The following ANK3 variants were observed in gnomAD, a reference collection of about 807,000 sequenced individuals.
ANK3 encodes ankyrin-3.
In ANK3, 57 loss-of-function variants were observed where a neutral mutation model predicts 370.9. That is an observed-to-expected ratio of 0.15 (90% CI 0.12 to 0.19). ANK3 has a LOEUF of 0.19. Ranked by LOEUF, ANK3 falls within the 10% of genes least tolerant of loss-of-function variation. ANK3 has a pLI of 1.00. For missense variants in ANK3, 4,439 were observed against 5,302.1 expected (o/e 0.84, Z 5.06); for synonymous variants, 1,929 against 1,946.3 (o/e 0.99, Z 0.23).
chr10:60,331,342 A>C (rs2051241657), intron 1 of ANK3, among the ~76,000 whole-genome samples: 1 of 152,202 alleles, frequency 6.6e-6, no homozygotes, highest in African/African-American at 2.4e-5. Flanking sequence ...TAAAATAAAC[A>C]AGATCTGGAA....
At position 60,069,031 on chromosome 10, in the gene ANK3, C is replaced by A; in HGVS notation, c.11850G>T (p.Leu3950Phe). 1 of 1,613,988 alleles carries A rather than the reference C, an allele frequency of 6.2e-7. No individual in the cohort carries two copies. The highest frequency in any genetic ancestry group is 8.5e-7 in the Non-Finnish European group (1 of 1,179,940). ...CACAGGTGGATCTTACCTTTACTGG[C>A]AACTTGGATGGAAGCTGTTTGGCCT... ...KGKAKQLPSK[L>F]PVKVRSTCVT... The change falls in exon 37 of 44, where the codon TTG becomes TTT. Residue 3950 changes from leucine (L) to phenylalanine (F), a missense_variant. Physicochemically the swap from Leu to Phe is conservative, Grantham distance 22. Transcript: ENST00000280772.
At chr10:60,596,593 T>C (rs1217355693) in intron 2 of ANK3, among the ~76,000 whole-genome samples, 1 of 152,192 alleles carries the variant, frequency 6.6e-6, no homozygotes, top group Admixed American at 6.5e-5. Context: ...ATTTGTCCAC[T>C]GGATACTTTA....
intron 1 of ANK3, among the ~76,000 whole-genome samples, chr10:60,694,919 G>A (rs1469085407): frequency 1.3e-5 from 2 of 148,400 alleles, no homozygotes; most frequent in East Asian, 2.0e-4. Context: ...AATGTAAATG[G>A]ACTAAATGCT....
chr10:60,324,650 A>G (rs2049394211), intron 1 of ANK3, among the ~76,000 whole-genome samples: 1 of 152,098 alleles, frequency 6.6e-6, no homozygotes, highest in African/African-American at 2.4e-5. Flanking sequence ...GAGACCCGTA[A>G]GTCTCCTAAT....
At chr10:60,114,770 T>C (rs1590199119) in intron 25 of ANK3, among the ~76,000 whole-genome samples, 1 of 152,188 alleles carries the variant, frequency 6.6e-6, no homozygotes, top group East Asian at 1.9e-4. Context: ...TTCTTCCAAG[T>C]AAGCCAGATA....
chr10:60,383,802 C>T (rs183452913), intron 1 of ANK3, among the ~76,000 whole-genome samples: 1 of 152,264 alleles, frequency 6.6e-6, no homozygotes, highest in Admixed American at 6.5e-5. Context: ...CTTACTCTTG[C>T]CTGGCATCTT....
chr10:60,094,458 G>A (rs2089613247), intron 28 of ANK3, among the ~76,000 whole-genome samples: 1 of 152,012 alleles, frequency 6.6e-6, no homozygotes, highest in Admixed American at 6.6e-5. Flanking sequence ...AAAGTTCTGG[G>A]ATTACAGGCA....
intron 1 of ANK3, among the ~76,000 whole-genome samples, chr10:60,710,833 G>C (rs2079694306): frequency 6.6e-6 from 1 of 152,182 alleles, no homozygotes; most frequent in East Asian, 1.9e-4. Flanking sequence ...CAAGTTTAAG[G>C]CCTGAAAACC....
intron 30 of ANK3, chr10:60,086,454 T>C: frequency 2.3e-6 from 1 of 430,076 alleles, no homozygotes; most frequent in Non-Finnish European, 4.1e-6. Context: ...ATCACTAAAT[T>C]TTAAATGAGT....
chr10:60,687,202 A>T (rs1335001402), intron 1 of ANK3, among the ~76,000 whole-genome samples: 1 of 152,214 alleles, frequency 6.6e-6, no homozygotes, highest in Admixed American at 6.5e-5. Context: ...GCAACACACA[A>T]CTGTATATAT....
Position 60,449,110 on chromosome 10 carries a change from G to A in ANK3, c.96+166076C>T, listed in dbSNP as rs551720701. ...GCTAAAATAAGCATGGGTCTCTCTGGACATATAAATGCTAGTATAGTAACA... is the reference window on the plus strand; with the variant it reads ...GCTAAAATAAGCATGGGTCTCTCTGAACATATAAATGCTAGTATAGTAACA... On this transcript the variant is annotated intron_variant, in intron 2 of 43. Transcript: ENST00000373827. Among the ~76,000 whole-genome samples the A allele has an allele frequency of 3.9e-5, 6 of 152,222 alleles. No homozygotes were observed. The South Asian group carries it at 1.2e-3, about 32-fold the overall frequency.
At chr10:60,683,754 A>C (rs1232052057) in intron 1 of ANK3, among the ~76,000 whole-genome samples, 1 of 152,228 alleles carries the variant, frequency 6.6e-6, no homozygotes, top group Non-Finnish European at 1.5e-5. Context: ...CAGAGAATTT[A>C]AGTTGCCGAG....
chr10:60,426,887 G>A (rs1467120560), intron 2 of ANK3, among the ~76,000 whole-genome samples: 3 of 152,092 alleles, frequency 2.0e-5, no homozygotes, highest in Admixed American at 1.3e-4. Context: ...GGCATCTTAA[G>A]GAAGAGGCTG....
intron 42 of ANK3, among the ~76,000 whole-genome samples, chr10:60,055,108 T>C (rs1486185100): frequency 6.6e-6 from 1 of 152,194 alleles, no homozygotes; most frequent in African/African-American, 2.4e-5. Context: ...ACTTCTAATT[T>C]TAAATTTCTA....
chr10:60,606,596 A>G (rs2078131875), intron 2 of ANK3, among the ~76,000 whole-genome samples: 1 of 152,188 alleles, frequency 6.6e-6, no homozygotes, highest in African/African-American at 2.4e-5. Context: ...CATCAACTGT[A>G]AGCCTTTGTT....
chr10:60,150,991 T>C (rs1453739448), intron 23 of ANK3, among the ~76,000 whole-genome samples: 1 of 152,184 alleles, frequency 6.6e-6, no homozygotes, highest in Non-Finnish European at 1.5e-5. Context: ...TGAGCAAATA[T>C]CTTAAACTCC....
Position 60,073,758 on chromosome 10 carries a change from A to C in ANK3, c.7123T>G (p.Phe2375Val), listed in dbSNP as rs201931139. 15 of 1,613,700 alleles carry C rather than the reference A, an allele frequency of 9.3e-6. No homozygotes were observed. The highest frequency in any genetic ancestry group is 5.0e-5 in the Admixed American group (3 of 59,960). Residue 2375 changes from phenylalanine (F) to valine (V), a missense_variant, in exon 37 of 44, where the codon TTT becomes GTT. By Grantham distance (50) the Phe-to-Val change is conservative. Around this residue, in one of 13 missense-constraint regions of ANK3, gnomAD observed 1,601 missense variants for 1,731.7 expected, o/e 0.92. Transcript: ENST00000280772. Reference sequence around the variant, plus strand: ...AAAGCATCGTGTTTTTCTGGCAGAAAATCTTTTAGGTTAATATCTCCCCGG... The same window carrying C: ...AAAGCATCGTGTTTTTCTGGCAGAACATCTTTTAGGTTAATATCTCCCCGG... Reference protein sequence around the residue: ...LSRGDINLKDFLPEKHDAFPC... With the variant: ...LSRGDINLKDVLPEKHDAFPC...
At chr10:60,714,557 G>A (rs1365584728) in intron 1 of ANK3, among the ~76,000 whole-genome samples, 1 of 152,146 alleles carries the variant, frequency 6.6e-6, no homozygotes. Flanking sequence ...TTTATTCCAT[G>A]TATGCAAGAC....
At chr10:60,593,017 C>G (rs2077938402) in intron 2 of ANK3, among the ~76,000 whole-genome samples, 2 of 152,126 alleles carry the variant, frequency 1.3e-5, no homozygotes, top group Admixed American at 1.3e-4. Context: ...CTTTTTCTTC[C>G]CTCTTTTTGA....
Sources: allele counts gnomAD v4.1 joint callset (sites outside exome capture counted in the v4.1 genomes callset), GRCh38; gene constraint gnomAD v4.1.1; regional missense constraint gnomAD v4.1.1; transcripts MANE v1.5; gene names NCBI Gene and HGNC (gene_info 2026-07-23, HGNC 2026-07-21).